The following TBCD variants were observed in gnomAD, a reference collection of about 807,000 sequenced individuals.
The protein encoded by TBCD is tubulin folding cofactor D.
In TBCD, 105 loss-of-function variants were observed where a neutral mutation model predicts 169.3. The observed-to-expected ratio is 0.62, with a 90% CI of 0.53 to 0.73. The LOEUF (loss-of-function observed/expected upper bound fraction) is 0.73, where lower values mean the gene tolerates loss of function less well. Ranked by LOEUF, TBCD falls within the 30% of genes least tolerant of loss-of-function variation. TBCD has a pLI of 0.00. For synonymous variants in TBCD, 700 were observed against 643.9 expected, an observed-to-expected ratio of 1.09 and a Z score of -1.32; for missense variants, 1,444 against 1,600.1, an observed-to-expected ratio of 0.90 and a Z score of 1.66.
rs34566230 is a variant in TBCD at position 82,831,548 on chromosome 17, C to T, written c.1318+16614C>T. On this transcript the variant is annotated intron_variant, in intron 13 of 38. Transcript: ENST00000355528. The surrounding 1 kb of genome is among the most constrained non-coding windows in gnomAD (Gnocchi z 4.6). Reference sequence around the variant, plus strand: ...TATTGCTGGAAAAACCTGTAGTGATCGTATGTGGCTGGAGATGGAGCCAGG... The same window carrying T: ...TATTGCTGGAAAAACCTGTAGTGATTGTATGTGGCTGGAGATGGAGCCAGG... 27 of 1,613,930 alleles carry T rather than the reference C, an allele frequency of 1.7e-5. No homozygotes were observed. The Admixed American group carries it at 2.5e-4, about 15-fold the overall frequency.
chr17:82,889,786 C>A lies in TBCD; in HGVS notation c.1563+89C>A. On this transcript the variant is annotated intron_variant, in intron 16 of 38. Coordinates refer to ENST00000355528, the MANE Select transcript of TBCD (RefSeq NM_005993.5). The surrounding 1 kb of genome is among the most constrained non-coding windows in gnomAD (Gnocchi z 5.3). Reference sequence around the variant, plus strand: ...GAGAGCTATAACCCTGGTGTCTTCTCGCACTGTGAGATGTGGTGTGGCTAC... The same window carrying A: ...GAGAGCTATAACCCTGGTGTCTTCTAGCACTGTGAGATGTGGTGTGGCTAC... 1 of 1,489,524 alleles carries A rather than the reference C, an allele frequency of 6.7e-7. No individual in the cohort carries two copies. Among genetic ancestry groups the A allele is most frequent in the Non-Finnish European group, 9.2e-7 (1 of 1,081,468 alleles). 92.3% of individuals were successfully genotyped at this position (1,489,524 alleles called of 1,614,324 possible).
At chr17:82,850,247 G>C (rs2055632969) in intron 13 of TBCD, among the ~76,000 whole-genome samples, 1 of 144,936 alleles carries the variant, frequency 6.9e-6, no homozygotes, top group Non-Finnish European at 1.5e-5. Flanking sequence ...TGTTGGCTGT[G>C]CTGTTGTTGG....
intron 13 of TBCD, among the ~76,000 whole-genome samples, chr17:82,844,941 C>T (rs1042486087): frequency 1.3e-5 from 2 of 152,110 alleles, no homozygotes; most frequent in African/African-American, 2.4e-5. Flanking sequence ...AGGTCGGGAA[C>T]ATGGCCGAGG....
rs934806108 is a variant in TBCD, at chr17:82,945,137, A to G, written c.*2674A>G. The G allele has an allele frequency of 6.6e-6, 1 of 152,238 alleles. No individual in the cohort carries two copies. The highest frequency in any genetic ancestry group is 1.5e-5 in the Non-Finnish European group (1 of 68,038). 9.4% of individuals were successfully genotyped at this position (152,238 alleles called of 1,614,324 possible). On this transcript the variant is annotated 3_prime_UTR_variant, in exon 39 of 39. Transcript: ENST00000355528. ...TAGAAATGATCAAGAAGAGATTAGA[A>G]AAAAACAGAGCCCCTAGAAATGTAA...
chr17:82,926,586 T>G, intron 28 of TBCD, 95 bp downstream of exon 28: 1 of 1,031,134 alleles, frequency 9.7e-7, no homozygotes, highest in Middle Eastern at 2.3e-4. Flanking sequence ...GCAGGACTTA[T>G]GATTCTTCAC....
chr17:82,826,987 T>C (rs1389502156), intron 13 of TBCD, among the ~76,000 whole-genome samples: 1 of 152,114 alleles, frequency 6.6e-6, no homozygotes, highest in Non-Finnish European at 1.5e-5. Flanking sequence ...CCCAGGCTGG[T>C]CTCAAACTCC....
At chr17:82,902,486 A>G (rs1380605585) in intron 18 of TBCD, among the ~76,000 whole-genome samples, 1 of 152,214 alleles carries the variant, frequency 6.6e-6, no homozygotes, top group Non-Finnish European at 1.5e-5. Context: ...TCTAGACAGC[A>G]TGCAGTTGGG....
Position 82,939,455 on chromosome 17 carries a change from CTG to C in TBCD, c.3461_3462del (p.Val1154AlafsTer3). The C allele has an allele frequency of 6.2e-7, 1 of 1,613,562 alleles. No homozygotes were observed. Among genetic ancestry groups the C allele is most frequent in the Non-Finnish European group, 8.5e-7 (1 of 1,179,810 alleles). ...GCGGATGTGCTGGACGAGGTGGTGA[CTG>C]TGCTCAGTGACACTGCGTGGTGAGT... On this transcript the variant is annotated frameshift_variant, in exon 37 of 39. Transcript: ENST00000355528. LOFTEE classifies it high-confidence loss of function.
At chr17:82,777,136 G>A (rs2048649748) in intron 6 of TBCD, among the ~76,000 whole-genome samples, 1 of 151,844 alleles carries the variant, frequency 6.6e-6, no homozygotes, top group Admixed American at 6.6e-5. Flanking sequence ...TTACTTTTAA[G>A]CCTGCAGTCT....
At chr17:82,888,092 C>T (rs150986168) in intron 15 of TBCD, among the ~76,000 whole-genome samples, 3 of 152,270 alleles carry the variant, frequency 2.0e-5, no homozygotes, top group African/African-American at 7.2e-5. Flanking sequence ...GCTGGGGTCT[C>T]GATCAGTTTT....
At chr17:82,904,415 G>A (rs2060097337) in intron 19 of TBCD, among the ~76,000 whole-genome samples, 1 of 152,192 alleles carries the variant, frequency 6.6e-6, no homozygotes. Flanking sequence ...ACACGTGAAT[G>A]CACTTTGGAA....
intron 34 of TBCD, 200 bp downstream of exon 34, chr17:82,932,935 ATAT>A (rs2062324387): frequency 3.3e-6 from 2 of 603,100 alleles, no homozygotes; most frequent in African/African-American, 1.9e-5. Flanking sequence ...ACATAATGAC[ATAT>A]TATGACTGTA....
chr17:82,927,686 G>A (rs1003656673), intron 29 of TBCD, among the ~76,000 whole-genome samples: 1 of 152,106 alleles, frequency 6.6e-6, no homozygotes, highest in Non-Finnish European at 1.5e-5. Flanking sequence ...AGGATGCCTC[G>A]GGGCCCCGGT....
intron 13 of TBCD, among the ~76,000 whole-genome samples, chr17:82,821,628 A>T: frequency 6.6e-6 from 1 of 152,138 alleles, no homozygotes; most frequent in African/African-American, 2.4e-5. Flanking sequence ...AAGGAGGCCT[A>T]CCCCTTCCCC....
chr17:82,759,114 A>G (rs2047611170), intron 2 of TBCD, among the ~76,000 whole-genome samples: 1 of 152,114 alleles, frequency 6.6e-6, no homozygotes, highest in Non-Finnish European at 1.5e-5. Context: ...TCCTGGGATT[A>G]AGTGATCTTC....
chr17:82,855,983 T>TCCC (rs151105006), intron 13 of TBCD, among the ~76,000 whole-genome samples: 10 of 114,028 alleles, frequency 8.8e-5, no homozygotes, highest in African/African-American at 3.1e-4. Flanking sequence ...ATGGGTAGAC[T>TCCC]CCCCCCCCAC....
intron 5 of TBCD, among the ~76,000 whole-genome samples, chr17:82,770,953 G>A (rs1182439638): frequency 6.6e-6 from 1 of 150,406 alleles, no homozygotes; most frequent in Non-Finnish European, 1.5e-5. Flanking sequence ...GGAGGCTGAG[G>A]CAGAGAATTG....
chr17:82,770,136 T>C (rs2048230653), intron 5 of TBCD, among the ~76,000 whole-genome samples: 1 of 152,198 alleles, frequency 6.6e-6, no homozygotes, highest in Non-Finnish European at 1.5e-5. Flanking sequence ...CCCCATGACC[T>C]GCTGTTCTGA....
chr17:82,777,177 AT>A (rs2048653293), intron 6 of TBCD, among the ~76,000 whole-genome samples: 1 of 151,844 alleles, frequency 6.6e-6, no homozygotes, highest in Non-Finnish European at 1.5e-5. Context: ...AGTCATTTAT[AT>A]TTTTCTCTAC....
Sources: gnomAD v4.1 joint callset for allele counts (sites outside exome capture counted in the v4.1 genomes callset) on GRCh38, gnomAD v4.1.1 for gene constraint, Gnocchi (gnomAD v3.1) non-coding constraint, MANE v1.5 for transcripts, NCBI Gene and HGNC (gene_info 2026-07-23, HGNC 2026-07-21) for gene names.